CDH6: variants seen among roughly 807,000 people sequenced by gnomAD.
CDH6 encodes the protein cadherin-6.
CDH6 carries 31 observed loss-of-function variants against 78.0 expected under a neutral mutation model. That is an observed-to-expected ratio of 0.40 (90% CI 0.30 to 0.54). The LOEUF is 0.54. Among genes scored for constraint, CDH6 ranks in the 20% least tolerant of loss-of-function variants. The pLI is 0.56. For missense variants in CDH6, 724 were observed against 975.9 expected, an observed-to-expected ratio of 0.74 and a Z score of 3.44; for synonymous variants, 376 against 368.8, an observed-to-expected ratio of 1.02 and a Z score of -0.23.
chr5:31,215,715 G>A (rs903687456), intron 1 of CDH6, among the ~76,000 whole-genome samples: 2 of 152,124 alleles, frequency 1.3e-5, no homozygotes, highest in Non-Finnish European at 2.9e-5. Flanking sequence ...AGCAGAGTGA[G>A]CCTGAGAAAT....
chr5:31,237,950 T>C (rs1380851553), intron 1 of CDH6, among the ~76,000 whole-genome samples: 1 of 152,216 alleles, frequency 6.6e-6, no homozygotes, highest in Non-Finnish European at 1.5e-5. Flanking sequence ...AGTTAAGTAT[T>C]CCAAAGATTT....
Position 31,258,404 on chromosome 5 carries a change from G to A in CDH6, c.-128-8942G>A, listed in dbSNP as rs546829661. Among the ~76,000 whole-genome samples, 46 of 152,184 alleles carry A rather than the reference G, an allele frequency of 3.0e-4. 1 individual carries two copies. In the South Asian group the frequency reaches 4.4e-3, roughly 14 times the overall value. Reference sequence around the variant, plus strand: ...ACACAAGAACAGAAAACCAAACACCGCATGTTCTCACCCATAAGTGGGAGT... The same window carrying A: ...ACACAAGAACAGAAAACCAAACACCACATGTTCTCACCCATAAGTGGGAGT... On this transcript the variant is annotated intron_variant, in intron 1 of 11. Transcript: ENST00000265071.
chr5:31,255,134 T>A (rs1406640004), intron 1 of CDH6, among the ~76,000 whole-genome samples: 5 of 152,212 alleles, frequency 3.3e-5, no homozygotes, highest in Non-Finnish European at 4.4e-5. Context: ...TGAAGGAAAT[T>A]GAAAAGTGCT....
At chr5:31,316,179 C>G (rs1310144245) in intron 8 of CDH6, 29 bp from the exon 9 acceptor site, 3 of 1,589,106 alleles carry the variant, frequency 1.9e-6, no homozygotes, top group Non-Finnish European at 2.6e-6. Flanking sequence ...CATGTAAATG[C>G]CTTTTTCTTT....
At chr5:31,255,752 C>A (rs905617680) in intron 1 of CDH6, among the ~76,000 whole-genome samples, 1 of 152,168 alleles carries the variant, frequency 6.6e-6, no homozygotes. Context: ...AGTTATTATA[C>A]AAAATTTATT....
intron 1 of CDH6, among the ~76,000 whole-genome samples, chr5:31,198,364 G>A (rs747884913): frequency 3.9e-5 from 6 of 152,192 alleles, no homozygotes; most frequent in Non-Finnish European, 8.8e-5. Context: ...TAATGCCAGA[G>A]TGTTAATATT....
intron 1 of CDH6, among the ~76,000 whole-genome samples, chr5:31,197,057 C>A (rs1373914240): frequency 6.6e-6 from 1 of 151,518 alleles, no homozygotes; most frequent in Non-Finnish European, 1.5e-5. Flanking sequence ...TTATGCTGAA[C>A]TAAGGCCATC....
chr5:31,299,542 T>C lies in CDH6; in HGVS notation c.722T>C (p.Met241Thr). The C allele has an allele frequency of 6.2e-7, 1 of 1,613,908 alleles. No homozygotes were observed. Among genetic ancestry groups the C allele is most frequent in the Non-Finnish European group, 8.5e-7 (1 of 1,179,836 alleles). Residue 241 changes from methionine to threonine, a missense_variant, in exon 5 of 12, where the codon ATG (methionine) becomes ACG (threonine). This residue lies in a region of CDH6 where 446 missense variants were observed against 684.5 expected (regional missense o/e 0.65). Coordinates refer to ENST00000265071, the MANE Select transcript of CDH6 (RefSeq NM_004932.4). ...CAAGTGGTGATTCAAGCCAAGGATA[T>C]GGGCGGCCAGATGGGAGGATTATCT... The part of the protein sequence containing the change: ...QYQVVIQAKD[M>T]GGQMGGLSGT...
At chr5:31,198,828 T>C (rs1353413380) in intron 1 of CDH6, among the ~76,000 whole-genome samples, 3 of 152,138 alleles carry the variant, frequency 2.0e-5, no homozygotes, top group Admixed American at 6.6e-5. Context: ...AACATATTTA[T>C]ACACACTACT....
chr5:31,306,101 T>C (rs998987694), intron 7 of CDH6, among the ~76,000 whole-genome samples: 2 of 152,208 alleles, frequency 1.3e-5, no homozygotes, highest in Non-Finnish European at 1.5e-5. Context: ...AAAGTATGAT[T>C]TTTAACAAAT....
intron 1 of CDH6, among the ~76,000 whole-genome samples, chr5:31,241,057 T>C (rs1741589532): frequency 6.6e-6 from 1 of 152,238 alleles, no homozygotes; most frequent in South Asian, 2.1e-4. Context: ...GGGGAGAGAT[T>C]GTTTCCCTTT....
intron 8 of CDH6, 113 bp downstream of exon 8, chr5:31,313,567 T>G (rs1738215603): frequency 1.9e-6 from 2 of 1,030,146 alleles, no homozygotes; most frequent in Non-Finnish European, 2.8e-6. Flanking sequence ...TGATATATAT[T>G]GAGGGAAAAA....
At chr5:31,261,374 T>C (rs1482994913) in intron 1 of CDH6, among the ~76,000 whole-genome samples, 2 of 152,232 alleles carry the variant, frequency 1.3e-5, no homozygotes, top group African/African-American at 4.8e-5. Flanking sequence ...ATAAGGTATT[T>C]ATGATACTTA....
At chr5:31,320,739 A>G (rs2149961447) in intron 11 of CDH6, among the ~76,000 whole-genome samples, 1 of 152,288 alleles carries the variant, frequency 6.6e-6, no homozygotes, top group African/African-American at 2.4e-5. Context: ...ACACTTTGCG[A>G]GGCCGAGGCA....
chr5:31,261,526 G>C (rs1296451775), intron 1 of CDH6, among the ~76,000 whole-genome samples: 3 of 152,098 alleles, frequency 2.0e-5, no homozygotes, highest in African/African-American at 7.2e-5. Context: ...CCATTTATCT[G>C]AAGAAACAAT....
At chr5:31,199,526 A>ATG (rs60061148) in intron 1 of CDH6, among the ~76,000 whole-genome samples, 71,546 of 141,352 alleles carry the variant, frequency 0.51, 18,788 homozygotes, top group South Asian at 0.62. Flanking sequence ...ACACACACAT[A>ATG]TGTGTATATA....
At chr5:31,285,505 C>A (rs566718930) in intron 2 of CDH6, among the ~76,000 whole-genome samples, 2 of 152,238 alleles carry the variant, frequency 1.3e-5, no homozygotes, top group Admixed American at 1.3e-4. Context: ...TTTATTCCAA[C>A]GTAAATGGCA....
At chr5:31,302,886 GGAAA>G (rs1369215332) in intron 6 of CDH6, among the ~76,000 whole-genome samples, 266 of 64,296 alleles carry the variant, frequency 4.1e-3, no homozygotes, top group African/African-American at 0.017. Context: ...AAGGAAGGAA[GGAAA>G]GAAAGAAAGA....
intron 2 of CDH6, among the ~76,000 whole-genome samples, chr5:31,279,158 C>A (rs960773177): frequency 6.6e-6 from 1 of 152,140 alleles, no homozygotes; most frequent in African/African-American, 2.4e-5. Flanking sequence ...CTTTCAACTC[C>A]CCAAAAACTT....
Sources: gnomAD v4.1 joint callset for allele counts (sites outside exome capture counted in the v4.1 genomes callset) on GRCh38, gnomAD v4.1.1 for gene constraint, gnomAD v4.1.1 regional missense constraint, MANE v1.5 for transcripts, NCBI Gene and HGNC (gene_info 2026-07-23, HGNC 2026-07-21) for gene names.